CAMTA1: variants seen among roughly 807,000 people sequenced by gnomAD.
The protein encoded by CAMTA1 is calmodulin-binding transcription activator 1.
Under a neutral mutation model 170.9 loss-of-function variants are expected in CAMTA1, and 27 were observed. The observed-to-expected ratio is 0.16, with a 90% CI of 0.12 to 0.22. CAMTA1 has a LOEUF of 0.22. Ranked by LOEUF, CAMTA1 falls within the 10% of genes least tolerant of loss-of-function variation. The pLI is 1.00. For synonymous variants in CAMTA1, 833 were observed against 891.5 expected (o/e 0.93, Z 1.17); for missense variants, 1,619 against 2,217.2 (o/e 0.73, Z 5.42).
intron 4 of CAMTA1, among the ~76,000 whole-genome samples, chr1:7,174,493 T>C (rs1650342052): frequency 6.6e-6 from 1 of 152,118 alleles, no homozygotes; most frequent in Admixed American, 6.5e-5. Context: ...AGAGAAGAGG[T>C]AACCGAAACA....
chr1:7,246,730 G>A (rs1472099542), intron 4 of CAMTA1, among the ~76,000 whole-genome samples: 5 of 138,630 alleles, frequency 3.6e-5, no homozygotes, highest in African/African-American at 8.4e-5. Flanking sequence ...GCCGTGGCAC[G>A]ATCTCAGCTC....
Position 7,599,658 on chromosome 1 carries a change from C to G in CAMTA1, c.511-40742C>G, listed in dbSNP as rs549471734. On this transcript the variant is annotated intron_variant, in intron 6 of 22. Coordinates refer to ENST00000303635, the MANE Select transcript of CAMTA1 (RefSeq NM_015215.4). ...TTCTCCTTGAAAAGGTCCTTCATGTCCCTTGTAAGTTGGATTCCTAGGTAT... is the reference window on the plus strand; with the variant it reads ...TTCTCCTTGAAAAGGTCCTTCATGTGCCTTGTAAGTTGGATTCCTAGGTAT... Among the ~76,000 whole-genome samples the G allele has an allele frequency of 6.9e-3, 1,052 of 152,242 alleles. 6 individuals carry two copies. Among genetic ancestry groups the G allele is most frequent in the Non-Finnish European group, 0.011 (779 of 68,020 alleles).
intron 6 of CAMTA1, among the ~76,000 whole-genome samples, chr1:7,520,416 G>A (rs1184564854): frequency 1.3e-5 from 2 of 150,170 alleles, no homozygotes; most frequent in Non-Finnish European, 3.0e-5. Context: ...GAAGTGCTGA[G>A]TACAAGTGTC....
intron 3 of CAMTA1, among the ~76,000 whole-genome samples, chr1:7,015,579 C>G (rs1010844841): frequency 6.6e-6 from 1 of 152,288 alleles, no homozygotes; most frequent in Non-Finnish European, 1.5e-5. Flanking sequence ...CTGTGCCGTT[C>G]CATGACTTTT....
intron 6 of CAMTA1, among the ~76,000 whole-genome samples, chr1:7,628,356 A>T (rs1350101578): frequency 2.0e-5 from 3 of 152,206 alleles, no homozygotes; most frequent in Admixed American, 6.5e-5. Flanking sequence ...ATGTGGCCCA[A>T]AGAATGCGGC....
At chr1:6,912,456 G>A (rs1679928700) in intron 3 of CAMTA1, among the ~76,000 whole-genome samples, 2 of 152,228 alleles carry the variant, frequency 1.3e-5, no homozygotes, top group South Asian at 4.1e-4. Context: ...GTCTCCTGGG[G>A]ACCACTCTAT....
intron 6 of CAMTA1, among the ~76,000 whole-genome samples, chr1:7,498,655 T>C (rs968662385): frequency 1.3e-5 from 2 of 152,178 alleles, no homozygotes; most frequent in Non-Finnish European, 2.9e-5. Flanking sequence ...TGAATGTATG[T>C]GGATGTATGA....
rs946519338 is a variant in CAMTA1, at chr1:7,748,298, C to T, written c.4689+517C>T. ...AAACAGGGGAAGCCACACATGATGG[C>T]GTGTGCCTGTAATCCCAGCTCCTCA... is the stretch of plus-strand genomic sequence containing the variant. On this transcript the variant is annotated intron_variant, in intron 19 of 22. Coordinates refer to ENST00000303635, the MANE Select transcript of CAMTA1 (RefSeq NM_015215.4). This position sits in a 1 kb window ranked among gnomAD's most constrained non-coding sequence, Gnocchi z 4.7. 7.9e-5 allele frequency among the ~76,000 whole-genome samples: 12 copies of T among 152,008 alleles called. No homozygotes were observed. Among genetic ancestry groups the T allele is most frequent in the Admixed American group, 6.6e-5 (1 of 15,260 alleles).
intron 5 of CAMTA1, among the ~76,000 whole-genome samples, chr1:7,438,293 C>T (rs2092411682): frequency 6.6e-6 from 1 of 152,114 alleles, no homozygotes; most frequent in Admixed American, 6.5e-5. Flanking sequence ...GGGGGTGGAG[C>T]ATGGTGGAGA....
chr1:7,766,499 C>T lies in CAMTA1; in HGVS notation c.*8C>T, dbSNP rs370598405. The stretch of plus-strand genomic sequence containing the variant: ...AAAGGCCAAGGAACTTGAAGACATA[C>T]AGCAGCATCCCTTAGCAATGTGACA... On this transcript the variant is annotated 3_prime_UTR_variant, in exon 23 of 23. Coordinates refer to ENST00000303635, the MANE Select transcript of CAMTA1 (RefSeq NM_015215.4). 291 of 1,613,480 alleles carry T rather than the reference C, an allele frequency of 1.8e-4. No homozygotes were observed. Among genetic ancestry groups the T allele is most frequent in the Non-Finnish European group, 2.3e-4 (271 of 1,179,526 alleles).
At chr1:7,290,116 A>C (rs1212710424) in intron 5 of CAMTA1, among the ~76,000 whole-genome samples, 5 of 152,246 alleles carry the variant, frequency 3.3e-5, no homozygotes, top group African/African-American at 1.2e-4. Flanking sequence ...TGTGAGGTGC[A>C]TTGGAAAATA....
intron 3 of CAMTA1, among the ~76,000 whole-genome samples, chr1:6,905,934 T>A (rs1678366733): frequency 6.6e-6 from 1 of 152,126 alleles, no homozygotes; most frequent in Admixed American, 6.5e-5. Flanking sequence ...TGCTGCTGGT[T>A]CTGTGCCTGC....
In CAMTA1 at chr1:7,732,019, T is replaced by C. The variant is rs544463680; in HGVS notation, c.2915-429T>C. Among the ~76,000 whole-genome samples the C allele has an allele frequency of 5.2e-3, 784 of 151,802 alleles. 5 individuals are homozygous for C. Among genetic ancestry groups the C allele is most frequent in the Non-Finnish European group, 9.4e-3 (635 of 67,838 alleles). Reference sequence around the variant, plus strand: ...GTTTTGGTAAAAGATATACTACCTTTTTTTTTTTTTGTCTAACATACCTTC... The same window carrying C: ...GTTTTGGTAAAAGATATACTACCTTCTTTTTTTTTTGTCTAACATACCTTC... On this transcript the variant is annotated intron_variant, in intron 11 of 22. Coordinates refer to ENST00000303635, the MANE Select transcript of CAMTA1 (RefSeq NM_015215.4). The surrounding 1 kb of genome is among the most constrained non-coding windows in gnomAD (Gnocchi z 4.1).
Position 7,680,389 on chromosome 1 carries a change from C to T in CAMTA1, c.2914+2656C>T, listed in dbSNP as rs927631839. Among the ~76,000 whole-genome samples the T allele has an allele frequency of 3.3e-5, 5 of 152,054 alleles. No homozygotes were observed. The highest frequency in any genetic ancestry group is 7.4e-5 in the Non-Finnish European group (5 of 67,980). ...GGAGGAGGGCTGGGGAAGGGGTGGG[C>T]GCCAGGGGACTGCAGCGCGGAGCAA... On this transcript the variant is annotated intron_variant, in intron 11 of 22. Coordinates refer to ENST00000303635, the MANE Select transcript of CAMTA1 (RefSeq NM_015215.4). This position sits in a 1 kb window ranked among gnomAD's most constrained non-coding sequence, Gnocchi z 4.4.
At chr1:7,679,580 C>G (rs201277012) in intron 11 of CAMTA1, among the ~76,000 whole-genome samples, 1 of 149,026 alleles carries the variant, frequency 6.7e-6, no homozygotes, top group African/African-American at 2.5e-5. Flanking sequence ...TAGCTGCCCC[C>G]CCCCCCAGAA....
chr1:7,162,198 GC>G (rs1195544085), intron 4 of CAMTA1, among the ~76,000 whole-genome samples: 1 of 152,190 alleles, frequency 6.6e-6, no homozygotes, highest in Non-Finnish European at 1.5e-5. Flanking sequence ...GTTGGCTGGG[GC>G]AAGACCATGT....
chr1:7,411,177 A>G (rs1471392899), intron 5 of CAMTA1, among the ~76,000 whole-genome samples: 1 of 151,752 alleles, frequency 6.6e-6, no homozygotes, highest in South Asian at 2.1e-4. Context: ...AGGTCCTCAC[A>G]CTCTTTCCAT....
At chr1:7,631,992 C>T (rs2148865239) in intron 6 of CAMTA1, among the ~76,000 whole-genome samples, 1 of 152,340 alleles carries the variant, frequency 6.6e-6, no homozygotes, top group East Asian at 1.9e-4. Flanking sequence ...GACACCACAG[C>T]CCTGTGCCAC....
At chr1:7,515,632 G>A (rs1417842162) in intron 6 of CAMTA1, among the ~76,000 whole-genome samples, 1 of 152,084 alleles carries the variant, frequency 6.6e-6, no homozygotes, top group Non-Finnish European at 1.5e-5. Context: ...CACCCCCCGG[G>A]CAGCTCATCT....
Sources: gnomAD v4.1 joint callset for allele counts (sites outside exome capture counted in the v4.1 genomes callset) on GRCh38, gnomAD v4.1.1 for gene constraint, Gnocchi (gnomAD v3.1) non-coding constraint, MANE v1.5 for transcripts, NCBI Gene and HGNC (gene_info 2026-07-23, HGNC 2026-07-21) for gene names.